The following ZFAND4 variants were observed in gnomAD, a reference collection of about 807,000 sequenced individuals.
ZFAND4 encodes zinc finger AN1-type containing 4.
Under a neutral mutation model 64.4 loss-of-function variants are expected in ZFAND4, and 43 were observed. That is an observed-to-expected ratio of 0.67 (90% CI 0.52 to 0.86). The LOEUF is 0.86. Ranked by LOEUF, ZFAND4 falls within the 40% of genes least tolerant of loss-of-function variation. ZFAND4 has a pLI of 0.00. For synonymous variants in ZFAND4, 296 were observed against 305.7 expected, an observed-to-expected ratio of 0.97 and a Z score of 0.33; for missense variants, 929 against 859.8, an observed-to-expected ratio of 1.08 and a Z score of -1.01.
rs1053909717 is a variant in ZFAND4 at position 45,672,473 on chromosome 10, G to A, written c.-341C>T. The A allele has an allele frequency of 3.3e-5, 5 of 152,372 alleles. No homozygotes were observed. Among genetic ancestry groups the A allele is most frequent in the African/African-American group, 1.2e-4 (5 of 41,474 alleles). 9.4% of individuals were successfully genotyped at this position (152,372 alleles called of 1,614,324 possible). ...CTGGGCAAAGGCGGCCCGCCGCTCC[G>A]GTCCCCGGGCAGCAGCGGCCGGCGT... On this transcript the variant is annotated 5_prime_UTR_variant, in exon 1 of 10. Coordinates refer to ENST00000344646, the MANE Select transcript of ZFAND4 (RefSeq NM_174890.4).
chr10:45,650,154 T>A (rs1176608022), intron 4 of ZFAND4: 1 of 152,184 alleles, frequency 6.6e-6, no homozygotes, highest in Non-Finnish European at 1.5e-5. Flanking sequence ...TCACCCAGAC[T>A]GGACTGTAGT....
chr10:45,642,737 C>A (rs1212261159), intron 5 of ZFAND4, among the ~76,000 whole-genome samples: 1 of 150,190 alleles, frequency 6.7e-6, no homozygotes, highest in South Asian at 2.1e-4. Flanking sequence ...AGTATAGATT[C>A]ATGAGATGAG....
intron 4 of ZFAND4, 56 bp downstream of exon 4, chr10:45,651,910 C>A: frequency 6.7e-7 from 1 of 1,486,612 alleles, no homozygotes; most frequent in East Asian, 2.3e-5. Context: ...TATAAAAATA[C>A]TAACTGACAT....
chr10:45,647,285 G>C (rs1028545859), intron 5 of ZFAND4, among the ~76,000 whole-genome samples: 1 of 152,138 alleles, frequency 6.6e-6, no homozygotes, highest in African/African-American at 2.4e-5. Context: ...GAGTGACTCT[G>C]TAAGTAGATT....
At chr10:45,661,303 A>G (rs986695202) in intron 2 of ZFAND4, among the ~76,000 whole-genome samples, 3 of 152,114 alleles carry the variant, frequency 2.0e-5, no homozygotes, top group South Asian at 2.1e-4. Flanking sequence ...TCGGCACTCC[A>G]GTCCCTTTTT....
intron 2 of ZFAND4, chr10:45,662,441 T>G (rs2048540722): frequency 3.7e-6 from 1 of 267,264 alleles, no homozygotes; most frequent in Admixed American, 6.5e-5. Context: ...TTAAAATTCA[T>G]GAAAGAGATA....
rs535732705 is a variant in ZFAND4 at position 45,658,506 on chromosome 10, T to C, written c.184+5036A>G. 5.3e-5 allele frequency among the ~76,000 whole-genome samples: 8 copies of C among 152,366 alleles called. No homozygotes were observed. In the South Asian group the frequency reaches 1.7e-3, roughly 32 times the overall value. On this transcript the variant is annotated intron_variant, in intron 2 of 9. Coordinates refer to ENST00000344646, the MANE Select transcript of ZFAND4 (RefSeq NM_174890.4). ...CTAGCAAACTAATACAATATGTGAA[T>C]TGTATGATATGTAAATTATATCTTC... is the stretch of plus-strand genomic sequence containing the variant.
intron 2 of ZFAND4, among the ~76,000 whole-genome samples, chr10:45,656,942 C>G (rs2048163287): frequency 6.6e-6 from 1 of 152,070 alleles, no homozygotes; most frequent in Admixed American, 6.6e-5. Context: ...CTTCCCAGCT[C>G]CAGAACCGTG....
At chr10:45,617,152 A>G (rs1375527614) in intron 9 of ZFAND4, among the ~76,000 whole-genome samples, 2 of 152,088 alleles carry the variant, frequency 1.3e-5, no homozygotes, top group Non-Finnish European at 1.5e-5. Flanking sequence ...CAAAAAGCTG[A>G]TAAATATGCC....
intron 5 of ZFAND4, among the ~76,000 whole-genome samples, chr10:45,641,018 G>C (rs1271887002): frequency 1.3e-5 from 2 of 152,080 alleles, no homozygotes; most frequent in Non-Finnish European, 2.9e-5. Context: ...ATAATATAAT[G>C]ATGTATCACA....
chr10:45,627,265 A>G (rs183102595), intron 6 of ZFAND4, among the ~76,000 whole-genome samples, 160 bp from the exon 7 acceptor site: 4 of 152,314 alleles, frequency 2.6e-5, no homozygotes, highest in Admixed American at 2.6e-4. Context: ...ATTATGACAG[A>G]GAAGATGCTA....
chr10:45,626,738 G>C lies in ZFAND4; in HGVS notation c.1085C>G (p.Ser362Cys). 6.2e-7 allele frequency: 1 copy of C among 1,614,168 alleles called. No homozygotes were observed. Among genetic ancestry groups the C allele is most frequent in the Non-Finnish European group, 8.5e-7 (1 of 1,180,030 alleles). The change falls in exon 7 of 10, where the codon TCC becomes TGC. Residue 362 changes from serine (S) to cysteine (C), a missense_variant. Transcript: ENST00000344646. ...LADSVLHLGSSLPRQTKHFLG... is the reference protein window; with the variant it reads ...LADSVLHLGSCLPRQTKHFLG... Reference sequence around the variant, plus strand: ...AAAATGTTTTGTTTGCCTAGGCAGGGATGATCCAAGATGGAGAACAGAGTC... The same window carrying C: ...AAAATGTTTTGTTTGCCTAGGCAGGCATGATCCAAGATGGAGAACAGAGTC...
chr10:45,667,337 T>C (rs2048888192), intron 1 of ZFAND4, among the ~76,000 whole-genome samples: 1 of 152,164 alleles, frequency 6.6e-6, no homozygotes, highest in South Asian at 2.1e-4. Flanking sequence ...AACTGTTTAT[T>C]TCGTTCATTT....
chr10:45,660,374 G>A (rs1348179059), intron 2 of ZFAND4, among the ~76,000 whole-genome samples: 3 of 151,766 alleles, frequency 2.0e-5, no homozygotes, highest in African/African-American at 4.8e-5. Context: ...TTGGCAAAAC[G>A]GACTGTTAAG....
chr10:45,663,817 TG>T lies in ZFAND4; in HGVS notation c.-93del. 9.2e-7 allele frequency: 1 copy of T among 1,089,572 alleles called. No homozygotes were observed. Among genetic ancestry groups the T allele is most frequent in the African/African-American group, 1.7e-5 (1 of 60,134 alleles). 67.5% of individuals were successfully genotyped at this position (1,089,572 alleles called of 1,614,324 possible). On this transcript the variant is annotated 5_prime_UTR_variant, in exon 2 of 10. It introduces an in-frame stop codon into an upstream open reading frame of the 5' UTR. Coordinates refer to ENST00000344646, the MANE Select transcript of ZFAND4 (RefSeq NM_174890.4). ...AGGTTTGAAGATTGGTAATATATAT[TG>T]TTGTTCATGTTTTGAGTTTTGTACC... is the stretch of plus-strand genomic sequence containing the variant.
At chr10:45,670,357 G>A (rs1254500131) in intron 1 of ZFAND4, among the ~76,000 whole-genome samples, 1 of 151,874 alleles carries the variant, frequency 6.6e-6, no homozygotes, top group Non-Finnish European at 1.5e-5. Flanking sequence ...CTCCCTAGTA[G>A]CTGGGATTAC....
At position 45,653,032 on chromosome 10, in the gene ZFAND4, A is replaced by AT; in HGVS notation, c.211dup (p.Ile71AsnfsTer4). The AT allele has an allele frequency of 6.2e-7, 1 of 1,612,290 alleles. No individual in the cohort carries two copies. Among genetic ancestry groups the AT allele is most frequent in the Non-Finnish European group, 8.5e-7 (1 of 1,179,054 alleles). On this transcript the variant is annotated frameshift_variant, in exon 3 of 10. Coordinates refer to ENST00000344646, the MANE Select transcript of ZFAND4 (RefSeq NM_174890.4). LOFTEE classifies it high-confidence loss of function. ...ATTTTCAAGTTCCATGTTATTCCAA[A>AT]TTAAGTGTTGTCGACAGATGGGAAT...
intron 1 of ZFAND4, among the ~76,000 whole-genome samples, chr10:45,666,367 T>TATTC (rs1468488406): frequency 6.6e-6 from 1 of 152,234 alleles, no homozygotes; most frequent in Non-Finnish European, 1.5e-5. Flanking sequence ...GAGAAATGCC[T>TATTC]ATTCATATAC....
intron 6 of ZFAND4, among the ~76,000 whole-genome samples, chr10:45,638,504 A>T (rs947576223): frequency 1.3e-5 from 2 of 151,360 alleles, no homozygotes; most frequent in Non-Finnish European, 2.9e-5. Flanking sequence ...ACAAAAAACA[A>T]AAAAACAAAA....
Sources: gnomAD v4.1 joint callset for allele counts (sites outside exome capture counted in the v4.1 genomes callset) on GRCh38, gnomAD v4.1.1 for gene constraint, MANE v1.5 for transcripts, NCBI Gene and HGNC (gene_info 2026-07-23, HGNC 2026-07-21) for gene names.